The following IFFO2 variants were observed in gnomAD, a reference collection of about 807,000 sequenced individuals.
IFFO2 encodes the protein intermediate filament family orphan 2.
In IFFO2, 19 loss-of-function variants were observed where a neutral mutation model predicts 53.5. That is an observed-to-expected ratio of 0.36 (90% CI 0.25 to 0.52). IFFO2 has a LOEUF of 0.52. IFFO2 is among the 20% of genes least tolerant of loss of function. The probability of loss-of-function intolerance (pLI) is 0.94; values close to 1 mark genes in which losing one functional copy is unlikely to be tolerated. For synonymous variants in IFFO2, 303 were observed against 313.6 expected (o/e 0.97, Z 0.36); for missense variants, 570 against 727.4 (o/e 0.78, Z 2.49).
rs996297146 is a variant in IFFO2, at chr1:18,917,049, C to G, written c.964-7G>C. On this transcript the variant is annotated splice_region_variant and splice_polypyrimidine_tract_variant and intron_variant, in intron 4 of 8. Transcript: ENST00000455833. This position sits in a 1 kb window ranked among gnomAD's most constrained non-coding sequence, Gnocchi z 5.9. ...CTTTCTTTTTGGGGACCACCTGAAC[C>G]GGAAAGGAAGCAATCAAGGTAACTG... The G allele has an allele frequency of 5.8e-6, 9 of 1,551,916 alleles. No individual in the cohort carries two copies. In the African/African-American group the frequency reaches 1.2e-4, roughly 21 times the overall value.
chr1:18,914,682 G>A (rs1936105092), intron 5 of IFFO2, among the ~76,000 whole-genome samples: 1 of 152,040 alleles, frequency 6.6e-6, no homozygotes, highest in South Asian at 2.1e-4. Context: ...AATTAGCTGG[G>A]TGTGGTGGTG....
chr1:18,937,385 A>G (rs188661152), intron 1 of IFFO2, among the ~76,000 whole-genome samples: 8 of 152,282 alleles, frequency 5.3e-5, no homozygotes, highest in Admixed American at 3.9e-4. Context: ...GCTCAAGGGG[A>G]TGGACTCATT....
At chr1:18,955,591 G>A (rs1009155106) in intron 1 of IFFO2, 77 bp downstream of exon 1, 6 of 1,475,618 alleles carry the variant, frequency 4.1e-6, no homozygotes, top group Non-Finnish European at 5.4e-6. Flanking sequence ...CCCGGCCCCC[G>A]TCCCGCATAC....
At chr1:18,946,233 C>T (rs1936585790) in intron 1 of IFFO2, among the ~76,000 whole-genome samples, 1 of 152,116 alleles carries the variant, frequency 6.6e-6, no homozygotes, top group Non-Finnish European at 1.5e-5. Context: ...TCATTTTAGA[C>T]AGCCCTCCAA....
chr1:18,925,557 G>A (rs1309573826), intron 1 of IFFO2, among the ~76,000 whole-genome samples: 1 of 152,194 alleles, frequency 6.6e-6, no homozygotes, highest in East Asian at 1.9e-4. Flanking sequence ...CAGAGATGGG[G>A]CAAAGAGGAA....
intron 6 of IFFO2, among the ~76,000 whole-genome samples, 193 bp downstream of exon 6, chr1:18,911,770 C>A (rs1205329171): frequency 6.6e-6 from 1 of 152,110 alleles, no homozygotes; most frequent in Non-Finnish European, 1.5e-5. Context: ...AACTCCCAAC[C>A]TCAGGTGATC....
intron 1 of IFFO2, among the ~76,000 whole-genome samples, chr1:18,938,964 C>T (rs1437968819): frequency 6.6e-6 from 1 of 152,234 alleles, no homozygotes; most frequent in Non-Finnish European, 1.5e-5. Flanking sequence ...CCCTGGCAGG[C>T]AACACTGCTT....
In IFFO2 at chr1:18,956,007, G is replaced by A. The variant is rs1198476247; in HGVS notation, c.326C>T (p.Thr109Ile). The change falls in exon 1 of 9, where the codon ACC becomes ATC. Residue 109 changes from threonine to isoleucine, a missense_variant. Coordinates refer to ENST00000455833, the MANE Select transcript of IFFO2 (RefSeq NM_001136265.2). This position sits in a 1 kb window ranked among gnomAD's most constrained non-coding sequence, Gnocchi z 6.4. The part of the protein sequence containing the change: ...KTFSREQAVQ[T>I]GPELLRPPAP... ...CGGGGGCCGCAGCAACTCGGGCCCG[G>A]TCTGCACGGCCTGCTCGCGGGAGAA... is the stretch of plus-strand genomic sequence containing the variant. 7.1e-7 allele frequency: 1 copy of A among 1,416,832 alleles called. No individual in the cohort carries two copies. Among genetic ancestry groups the A allele is most frequent in the Admixed American group, 2.3e-5 (1 of 43,206 alleles). The allele number at this position is 1,416,832 out of a possible 1,614,324, so 87.8% of individuals were successfully genotyped here. A position where few individuals can be genotyped will look rare whatever the true frequency, so the allele number is the denominator to read the frequency against.
In IFFO2 at chr1:18,942,240, T is replaced by C. The variant is rs192682743; in HGVS notation, c.665+13428A>G. Among the ~76,000 whole-genome samples the C allele has an allele frequency of 3.4e-3, 519 of 152,328 alleles. 1 individual carries two copies. The highest frequency in any genetic ancestry group is 6.0e-3 in the Non-Finnish European group (406 of 68,024). On this transcript the variant is annotated intron_variant, in intron 1 of 8. Transcript: ENST00000455833. ...CCCTGGAGCTGGAAGGCTTGAGAAC[T>C]TTGCCTAGAATGTTGGAGTTGGGTG...
At chr1:18,930,623 A>T (rs1175535482) in intron 1 of IFFO2, among the ~76,000 whole-genome samples, 2 of 152,242 alleles carry the variant, frequency 1.3e-5, no homozygotes, top group Non-Finnish European at 2.9e-5. Context: ...CCACTGTGGC[A>T]GCAGGTGGGT....
intron 5 of IFFO2, among the ~76,000 whole-genome samples, chr1:18,914,944 C>T (rs1364601931): frequency 6.6e-6 from 1 of 152,096 alleles, no homozygotes; most frequent in Non-Finnish European, 1.5e-5. Context: ...TAGCAAACCC[C>T]CAAAATACAG....
intron 7 of IFFO2, 98 bp from the exon 8 acceptor site, chr1:18,910,570 T>C: frequency 7.1e-7 from 1 of 1,402,706 alleles, no homozygotes; most frequent in East Asian, 2.5e-5. Flanking sequence ...GATGGTGCCA[T>C]CAAGGCCACC....
rs1265048286 is a variant in IFFO2, at chr1:18,919,136, G to A, written c.822+542C>T. On this transcript the variant is annotated intron_variant, in intron 3 of 8. Coordinates refer to ENST00000455833, the MANE Select transcript of IFFO2 (RefSeq NM_001136265.2). This position sits in a 1 kb window ranked among gnomAD's most constrained non-coding sequence, Gnocchi z 4.9. ...CCACTGTTTGAAGGGGAGGAGACCT[G>A]GGTCCCCAGCAGCAAGGAGCCCTTT... 6.6e-6 allele frequency among the ~76,000 whole-genome samples: 1 copy of A among 152,190 alleles called. No homozygotes were observed. The highest frequency in any genetic ancestry group is 1.5e-5 in the Non-Finnish European group (1 of 68,020).
intron 1 of IFFO2, among the ~76,000 whole-genome samples, chr1:18,955,258 G>A (rs1420610571): frequency 6.6e-6 from 1 of 152,096 alleles, no homozygotes; most frequent in East Asian, 1.9e-4. Flanking sequence ...TTGAAATCCC[G>A]GTTTCACCAC....
chr1:18,928,653 G>T lies in IFFO2; in HGVS notation c.666-7532C>A, dbSNP rs1040566861. ...GGCAGAGGGGTCTGACATCCATAGG[G>T]AAGTTCCCTGTGGAAGAGCGGGTAC... is the stretch of plus-strand genomic sequence containing the variant. On this transcript the variant is annotated intron_variant, in intron 1 of 8. Transcript: ENST00000455833. The surrounding 1 kb of genome is among the most constrained non-coding windows in gnomAD (Gnocchi z 4.9). 2.6e-5 allele frequency among the ~76,000 whole-genome samples: 4 copies of T among 152,232 alleles called. No individual in the cohort carries two copies. Among genetic ancestry groups the T allele is most frequent in the Non-Finnish European group, 5.9e-5 (4 of 68,040 alleles).
intron 6 of IFFO2, 89 bp from the exon 7 acceptor site, chr1:18,911,565 G>A (rs1169683700): frequency 1.7e-6 from 1 of 592,906 alleles, no homozygotes; most frequent in Admixed American, 4.6e-5. Flanking sequence ...TTGAGACGGA[G>A]TCTCGCTCTG....
In IFFO2 at chr1:18,911,272, G is replaced by A. The variant is rs148288373; in HGVS notation, c.1317+112C>T. ...CCTCCTGACTCCCGATCCTGCGCCT[G>A]CCCCACTCTACCAGCCCCTGCCCAT... On this transcript the variant is annotated intron_variant, in intron 7 of 8. Coordinates refer to ENST00000455833, the MANE Select transcript of IFFO2 (RefSeq NM_001136265.2). 3.6e-3 allele frequency: 1,723 copies of A among 481,382 alleles called. 24 individuals are homozygous for A. The highest frequency in any genetic ancestry group is 0.031 in the African/African-American group (1,550 of 49,602). 29.8% of individuals were successfully genotyped at this position (481,382 alleles called of 1,614,324 possible).
At chr1:18,953,013 G>T (rs1936678765) in intron 1 of IFFO2, among the ~76,000 whole-genome samples, 1 of 152,200 alleles carries the variant, frequency 6.6e-6, no homozygotes, top group Non-Finnish European at 1.5e-5. Context: ...AGCAAGTGGG[G>T]GTCTCTGGAG....
intron 1 of IFFO2, among the ~76,000 whole-genome samples, chr1:18,949,417 A>G (rs959478777): frequency 6.6e-6 from 1 of 152,226 alleles, no homozygotes; most frequent in Non-Finnish European, 1.5e-5. Flanking sequence ...TGACAGCAGA[A>G]AGTCAGGAAA....
Sources: gnomAD v4.1 joint callset for allele counts (sites outside exome capture counted in the v4.1 genomes callset) on GRCh38, gnomAD v4.1.1 for gene constraint, Gnocchi (gnomAD v3.1) non-coding constraint, MANE v1.5 for transcripts, NCBI Gene and HGNC (gene_info 2026-07-23, HGNC 2026-07-21) for gene names.